Variants in RNF10 observed in about 807,000 individuals in gnomAD.
RNF10 encodes E3 ubiquitin-protein ligase RNF10.
A neutral mutation model predicts 91.4 loss-of-function variants in RNF10; 38 were observed. The observed-to-expected ratio is 0.42, with a 90% CI of 0.32 to 0.54. The LOEUF is 0.54. Ranked by LOEUF, RNF10 falls within the 20% of genes least tolerant of loss-of-function variation. The pLI is 0.16. For synonymous variants in RNF10, 364 were observed against 366.3 expected (o/e 0.99, Z 0.07); for missense variants, 945 against 1,012.0 (o/e 0.93, Z 0.90).
intron 4 of RNF10, among the ~76,000 whole-genome samples, chr12:120,555,799 T>C (rs1488748969): frequency 6.7e-6 from 1 of 148,156 alleles, no homozygotes; most frequent in Non-Finnish European, 1.5e-5. Flanking sequence ...CCTGGCCTCT[T>C]TTTTTTTTTG....
In RNF10 at chr12:120,552,487, C is replaced by G. The variant is rs199993342; in HGVS notation, c.355-12C>G. ...CTAATCTGAAATACTGATTCATTCT[C>G]ATTCTCTCTAGGTAGCAGAGGCTCA... On this transcript the variant is annotated splice_polypyrimidine_tract_variant and intron_variant, in intron 2 of 16. Transcript: ENST00000325954. 16 of 1,610,028 alleles carry G rather than the reference C, an allele frequency of 9.9e-6. No homozygotes were observed. The African/African-American group carries it at 2.1e-4, about 21-fold the overall frequency.
At chr12:120,557,069 A>G (rs7972244) in intron 4 of RNF10, among the ~76,000 whole-genome samples, 114,281 of 143,520 alleles carry the variant, frequency 0.8, 45,628 homozygotes, top group Admixed American at 0.85. Context: ...GCGTGAACCA[A>G]GGAGATGGAC....
In RNF10 at chr12:120,562,971, G is replaced by A. The variant is rs1350903734; in HGVS notation, c.1155G>A (p.Leu385=). ...LKTREEALSG[L]AGSRREVTGV... ...CTCGGGAAGAGGCTCTGTCGGGATT[G>A]GCCGGAAGCAGAAGGGAGGTCACTG... Residue 385 remains leucine (L), a synonymous_variant, in exon 8 of 17, where the codon TTG becomes TTA. Coordinates refer to ENST00000325954, the MANE Select transcript of RNF10 (RefSeq NM_014868.5). 1 of 1,614,112 alleles carries A rather than the reference G, an allele frequency of 6.2e-7. No homozygotes were observed. The highest frequency in any genetic ancestry group is 8.5e-7 in the Non-Finnish European group (1 of 1,179,996).
chr12:120,563,471 C>T lies in RNF10; in HGVS notation c.1379C>T (p.Pro460Leu). The change falls in exon 9 of 17, where the codon CCT (proline) becomes CTT (leucine). Residue 460 changes from proline to leucine, a missense_variant. Physicochemically the swap from Pro to Leu is moderately conservative, Grantham distance 98. Coordinates refer to ENST00000325954, the MANE Select transcript of RNF10 (RefSeq NM_014868.5). ...GAGGAAGCAGTGTCTGAACCAGAGC[C>T]TGAGGGGTTGCCAGAGGCCTGTGAT... ...EEEEAVSEPE[P>L]EGLPEACDDL... 2 of 1,614,162 alleles carry T rather than the reference C, an allele frequency of 1.2e-6. No individual in the cohort carries two copies. The highest frequency in any genetic ancestry group is 1.7e-6 in the Non-Finnish European group (2 of 1,180,034).
Position 120,576,739 on chromosome 12 carries a change from C to T in RNF10, c.*73C>T. The T allele has an allele frequency of 6.3e-7, 1 of 1,578,580 alleles. No individual in the cohort carries two copies. The highest frequency in any genetic ancestry group is 8.6e-7 in the Non-Finnish European group (1 of 1,165,468). On this transcript the variant is annotated 3_prime_UTR_variant, in exon 17 of 17. Coordinates refer to ENST00000325954, the MANE Select transcript of RNF10 (RefSeq NM_014868.5). Reference sequence around the variant, plus strand: ...TTTTTTCCCCCATGCTTTTGTTTGGCTGCTGTAATTTTTAAGTATTTGAGT... The same window carrying T: ...TTTTTTCCCCCATGCTTTTGTTTGGTTGCTGTAATTTTTAAGTATTTGAGT...
At position 120,557,665 on chromosome 12, in the gene RNF10, A is replaced by G; in HGVS notation, c.950A>G (p.His317Arg). Residue 317 changes from histidine to arginine, a missense_variant, in exon 6 of 17, where the codon CAT becomes CGT. Physicochemically the swap from His to Arg is conservative, Grantham distance 29. Coordinates refer to ENST00000325954, the MANE Select transcript of RNF10 (RefSeq NM_014868.5). ...AAATCCAAATGGATGAATGTAGACC[A>G]TCCCATTCATCTAGGAGGTGAGTTC... is the stretch of plus-strand genomic sequence containing the variant. ...LPKSKWMNVD[H>R]PIHLGDEQHS... 3.1e-6 allele frequency: 5 copies of G among 1,614,184 alleles called. No homozygotes were observed. Among genetic ancestry groups the G allele is most frequent in the Non-Finnish European group, 4.2e-6 (5 of 1,180,018 alleles).
At chr12:120,537,705 G>T (rs963858117) in intron 1 of RNF10, among the ~76,000 whole-genome samples, 1 of 151,996 alleles carries the variant, frequency 6.6e-6, no homozygotes. Flanking sequence ...TAATGTGTGT[G>T]TTAGAAAGCT....
rs1326256466 is a variant in RNF10 at position 120,569,536 on chromosome 12, A to ATTTTT, written c.2042-1654_2042-1653insTTTTT. ...ATTAAATACATTATTTGTGATATGCATCTTTTTTTTTTTGAGACAGGGTCT... is the reference window on the plus strand; with the variant it reads ...ATTAAATACATTATTTGTGATATGCATTTTTTCTTTTTTTTTTTGAGACAGGGTCT... On this transcript the variant is annotated intron_variant, in intron 13 of 16. Transcript: ENST00000325954. Among the ~76,000 whole-genome samples, 295 of 41,260 alleles carry ATTTTT rather than the reference A, an allele frequency of 7.1e-3. 2 individuals carry two copies. Among genetic ancestry groups the ATTTTT allele is most frequent in the Middle Eastern group, 0.04 (4 of 100 alleles). 27.1% of individuals were successfully genotyped at this position (41,260 alleles called of 152,430 possible). A position where few individuals can be genotyped will look rare whatever the true frequency, so the allele number is the denominator to read the frequency against.
chr12:120,567,824 A>G (rs1593109402), intron 13 of RNF10, among the ~76,000 whole-genome samples: 1 of 152,154 alleles, frequency 6.6e-6, no homozygotes, highest in Middle Eastern at 3.4e-3. Flanking sequence ...TTAAAAAAAC[A>G]CCACCACCAC....
intron 2 of RNF10, among the ~76,000 whole-genome samples, chr12:120,548,702 C>T (rs1313041946): frequency 2.7e-5 from 4 of 150,766 alleles, no homozygotes; most frequent in Non-Finnish European, 5.9e-5. Flanking sequence ...TCTGTCCCCC[C>T]AGGCTGGAGA....
intron 1 of RNF10, among the ~76,000 whole-genome samples, chr12:120,537,002 A>T (rs997201670): frequency 1.3e-5 from 2 of 152,250 alleles, no homozygotes; most frequent in Non-Finnish European, 2.9e-5. Context: ...CAACAAGATG[A>T]TACAGAATTC....
At chr12:120,566,434 C>T (rs776585816) in intron 12 of RNF10, among the ~76,000 whole-genome samples, 17 of 151,994 alleles carry the variant, frequency 1.1e-4, no homozygotes, top group Admixed American at 2.6e-4. Flanking sequence ...TTTGGGGGTA[C>T]GCATGTGTGA....
chr12:120,536,262 GAA>G (rs574435683), intron 1 of RNF10, among the ~76,000 whole-genome samples: 2,077 of 144,126 alleles, frequency 0.014, 49 homozygotes, highest in South Asian at 0.067. Context: ...GTCTCCATAA[GAA>G]AAAAAAAAAA....
chr12:120,539,976 A>G (rs544686313), intron 1 of RNF10, among the ~76,000 whole-genome samples: 3 of 151,872 alleles, frequency 2.0e-5, no homozygotes, highest in East Asian at 1.9e-4. Context: ...GCTGGATTGC[A>G]GGTGTCCACC....
chr12:120,552,004 T>C (rs1873164390), intron 2 of RNF10, among the ~76,000 whole-genome samples: 1 of 147,654 alleles, frequency 6.8e-6, no homozygotes, highest in African/African-American at 2.5e-5. Context: ...TAAGAGGAAA[T>C]GCTACATACT....
intron 4 of RNF10, among the ~76,000 whole-genome samples, 197 bp from the exon 5 acceptor site, chr12:120,557,085 C>CAAA (rs36018229): frequency 7.2e-5 from 8 of 111,334 alleles, no homozygotes; most frequent in African/African-American, 1.7e-4. Flanking sequence ...TGGACCGTCT[C>CAAA]AAAAAAAAAA....
chr12:120,561,259 GT>G (rs1399406620), intron 7 of RNF10, among the ~76,000 whole-genome samples: 1 of 152,200 alleles, frequency 6.6e-6, no homozygotes, highest in Non-Finnish European at 1.5e-5. Context: ...TTCTAGAGGT[GT>G]TTTGAAAGAC....
rs966456792 is a variant in RNF10, at chr12:120,566,136, A to G, written c.1885+607A>G. Among the ~76,000 whole-genome samples the G allele has an allele frequency of 1.6e-4, 24 of 152,226 alleles. 1 individual carries two copies. Among genetic ancestry groups the G allele is most frequent in the African/African-American group, 5.5e-4 (23 of 41,462 alleles). On this transcript the variant is annotated intron_variant, in intron 12 of 16. Transcript: ENST00000325954. ...GACTCCATATGGCATGGAAACATAC[A>G]TTTTATATCTCAAGTGGGACAAGTG...
chr12:120,547,619 G>A (rs1872517330), intron 2 of RNF10, among the ~76,000 whole-genome samples: 1 of 152,158 alleles, frequency 6.6e-6, no homozygotes, highest in African/African-American at 2.4e-5. Context: ...GAGGAAGAGT[G>A]TCTTAGCCTG....
Sources: allele counts gnomAD v4.1 joint callset (sites outside exome capture counted in the v4.1 genomes callset), GRCh38; gene constraint gnomAD v4.1.1; transcripts MANE v1.5; gene names NCBI Gene and HGNC (gene_info 2026-07-23, HGNC 2026-07-21).